Variants in TRIB2 observed in about 807,000 individuals in gnomAD.
TRIB2 encodes the protein tribbles pseudokinase 2, also known as tribbles homolog 2.
In TRIB2, 2 loss-of-function variants were observed where a neutral mutation model predicts 26.8. That is an observed-to-expected ratio of 0.07 (90% CI 0.03 to 0.24). TRIB2 has a LOEUF of 0.24. Ranked by LOEUF, TRIB2 falls within the 10% of genes least tolerant of loss-of-function variation. The pLI, the probability that TRIB2 is intolerant of heterozygous loss-of-function variation, is 1.00. For synonymous variants in TRIB2, 189 were observed against 187.3 expected, an observed-to-expected ratio of 1.01 and a Z score of -0.08; for missense variants, 306 against 449.0, an observed-to-expected ratio of 0.68 and a Z score of 2.88.
chr2:12,717,306 G>A lies in TRIB2; in HGVS notation c.-1002G>A. On this transcript the variant is annotated 5_prime_UTR_variant, in exon 1 of 3. Transcript: ENST00000155926. This position sits in a 1 kb window ranked among gnomAD's most constrained non-coding sequence, Gnocchi z 4.8. ...GGCAAAGGAACGCCGCGCGTTGGAA[G>A]GGCCAGGGACGCAGCTCCCCTTGCA... 2.5e-6 allele frequency: 1 copy of A among 398,366 alleles called. No homozygotes were observed. The highest frequency in any genetic ancestry group is 4.4e-6 in the Non-Finnish European group (1 of 225,882). The allele number at this position is 398,366 out of a possible 1,614,324, so 24.7% of individuals were successfully genotyped here.
Position 12,718,632 on chromosome 2 carries a change from G to C in TRIB2, c.270+55G>C, listed in dbSNP as rs1666653995. On this transcript the variant is annotated intron_variant, in intron 1 of 2. Coordinates refer to ENST00000155926, the MANE Select transcript of TRIB2 (RefSeq NM_021643.4). This position sits in a 1 kb window ranked among gnomAD's most constrained non-coding sequence, Gnocchi z 4.0. ...TTGGAAGGGGCCCGAGGGAGCGGGAGGGCGCCAGGCCCTCGAGTCTGGGAG... is the reference window on the plus strand; with the variant it reads ...TTGGAAGGGGCCCGAGGGAGCGGGACGGCGCCAGGCCCTCGAGTCTGGGAG... 1 of 1,587,384 alleles carries C rather than the reference G, an allele frequency of 6.3e-7. No individual in the cohort carries two copies. The highest frequency in any genetic ancestry group is 8.6e-7 in the Non-Finnish European group (1 of 1,162,672).
rs535207032 is a variant in TRIB2, at chr2:12,741,272, T to TA, written c.*488dup. On this transcript the variant is annotated 3_prime_UTR_variant, in exon 3 of 3. Transcript: ENST00000155926. ...TAGCTGGTAATTAATGAGGTTCACT[T>TA]AAAAAAAAAATTCGGTGCACACAGA... 2.5e-4 allele frequency: 39 copies of TA among 154,332 alleles called. No homozygotes were observed. The highest frequency in any genetic ancestry group is 1.8e-3 in the South Asian group (9 of 5,044). The allele number at this position is 154,332 out of a possible 1,614,324, so 9.6% of individuals were successfully genotyped here.
chr2:12,719,953 G>T (rs1457048282), intron 1 of TRIB2, among the ~76,000 whole-genome samples: 1 of 152,176 alleles, frequency 6.6e-6, no homozygotes, highest in East Asian at 1.9e-4. Flanking sequence ...AGTCTGCAAG[G>T]TTGCACAATA....
intron 1 of TRIB2, among the ~76,000 whole-genome samples, chr2:12,720,626 A>G (rs1661190876): frequency 1.3e-5 from 2 of 152,362 alleles, no homozygotes; most frequent in Middle Eastern, 3.4e-3. Context: ...GTCTTAGAAT[A>G]GAAGGCTCAT....
chr2:12,738,442 C>T (rs1661633791), intron 2 of TRIB2, among the ~76,000 whole-genome samples: 1 of 152,138 alleles, frequency 6.6e-6, no homozygotes, highest in African/African-American at 2.4e-5. Context: ...TGAGACAGCC[C>T]TTGTGGATGC....
chr2:12,731,489 T>C (rs1661457515), intron 2 of TRIB2, among the ~76,000 whole-genome samples: 3 of 152,168 alleles, frequency 2.0e-5, no homozygotes. Context: ...GGGCATGGGT[T>C]CTAGGAAGAA....
At chr2:12,722,523 C>G (rs377086079) in intron 1 of TRIB2, among the ~76,000 whole-genome samples, 1 of 152,314 alleles carries the variant, frequency 6.6e-6, no homozygotes, top group East Asian at 1.9e-4. Flanking sequence ...TCTTTTTAAG[C>G]AACCGCACAA....
At chr2:12,723,185 G>T in intron 1 of TRIB2, 75 bp from the exon 2 acceptor site, 1 of 1,489,646 alleles carries the variant, frequency 6.7e-7, no homozygotes, top group East Asian at 2.3e-5. Context: ...CATACCTGTG[G>T]GAGGTGCAGC....
At position 12,740,190 on chromosome 2, in the gene TRIB2, C is replaced by T. The variant is rs988624806; in HGVS notation, c.564-136C>T. On this transcript the variant is annotated intron_variant, in intron 2 of 2. Transcript: ENST00000155926. The surrounding 1 kb of genome is among the most constrained non-coding windows in gnomAD (Gnocchi z 5.8). Reference sequence around the variant, plus strand: ...AAGGTGCTCAGTGAGTAATGTTTGGCTGGTCAGATGAATGCGTGAATGAAT... The same window carrying T: ...AAGGTGCTCAGTGAGTAATGTTTGGTTGGTCAGATGAATGCGTGAATGAAT... The T allele has an allele frequency of 5.8e-6, 5 of 867,072 alleles. No individual in the cohort carries two copies. Among genetic ancestry groups the T allele is most frequent in the African/African-American group, 1.7e-5 (1 of 59,208 alleles). 53.7% of individuals were successfully genotyped at this position (867,072 alleles called of 1,614,324 possible).
intron 1 of TRIB2, 28 bp from the exon 2 acceptor site, chr2:12,723,232 T>G (rs1288032175): frequency 6.3e-7 from 1 of 1,597,128 alleles, no homozygotes; most frequent in Admixed American, 1.7e-5. Context: ...CACCTCTGAC[T>G]TTGGTCTTAC....
In TRIB2 at chr2:12,717,530, G is replaced by A. The variant is rs2103247001; in HGVS notation, c.-778G>A. The stretch of plus-strand genomic sequence containing the variant: ...GCGGTACCTGCGCCCAGCCCGCGCC[G>A]CAACTCTGTGCCCAGCTTTTGCAAT... On this transcript the variant is annotated 5_prime_UTR_variant, in exon 1 of 3. Coordinates refer to ENST00000155926, the MANE Select transcript of TRIB2 (RefSeq NM_021643.4). This position sits in a 1 kb window ranked among gnomAD's most constrained non-coding sequence, Gnocchi z 4.8. 4 of 398,356 alleles carry A rather than the reference G, an allele frequency of 1.0e-5. No individual in the cohort carries two copies. The East Asian group carries it at 1.4e-4, about 14-fold the overall frequency. The allele number at this position is 398,356 out of a possible 1,614,324, so 24.7% of individuals were successfully genotyped here.
intron 2 of TRIB2, among the ~76,000 whole-genome samples, chr2:12,727,881 T>C (rs923985789): frequency 6.6e-6 from 1 of 152,146 alleles, no homozygotes; most frequent in African/African-American, 2.4e-5. Flanking sequence ...CAGAATCTGA[T>C]AGAAGGCAGC....
chr2:12,723,225 C>T (rs78135674), intron 1 of TRIB2, 35 bp from the exon 2 acceptor site: 1 of 1,590,330 alleles, frequency 6.3e-7, no homozygotes, highest in Non-Finnish European at 8.5e-7. Flanking sequence ...CAAGAGGCAC[C>T]TCTGACTTTG....
chr2:12,723,625 G>C, intron 2 of TRIB2, 73 bp downstream of exon 2: 1 of 1,523,276 alleles, frequency 6.6e-7, no homozygotes, highest in Non-Finnish European at 8.8e-7. Context: ...GAAAAGTCTT[G>C]AATGGACGTT....
intron 2 of TRIB2, among the ~76,000 whole-genome samples, chr2:12,730,751 C>T (rs1275518720): frequency 2.0e-5 from 3 of 152,160 alleles, no homozygotes; most frequent in Non-Finnish European, 4.4e-5. Flanking sequence ...CCTTATGTCC[C>T]GTGGCGTGAA....
At position 12,742,578 on chromosome 2, in the gene TRIB2, T is replaced by A. The variant is rs373497688; in HGVS notation, c.*1784T>A. 3.4e-4 allele frequency: 52 copies of A among 152,622 alleles called. 1 individual carries two copies. The highest frequency in any genetic ancestry group is 1.2e-3 in the African/African-American group (51 of 41,508). 9.5% of individuals were successfully genotyped at this position (152,622 alleles called of 1,614,324 possible). On this transcript the variant is annotated 3_prime_UTR_variant, in exon 3 of 3. Transcript: ENST00000155926. ...GGTGCTGTGTCAAGAAGGACCTTTT[T>A]TTTCCCCTCTCCCCTATTTTTTAAG...
At chr2:12,739,822 G>A (rs1162911001) in intron 2 of TRIB2, among the ~76,000 whole-genome samples, 2 of 152,214 alleles carry the variant, frequency 1.3e-5, no homozygotes, top group African/African-American at 2.4e-5. Context: ...ACAAAGGGCT[G>A]TAGTGAGGCC....
At chr2:12,734,133 G>A (rs1558318999) in intron 2 of TRIB2, among the ~76,000 whole-genome samples, 1 of 152,230 alleles carries the variant, frequency 6.6e-6, no homozygotes, top group Non-Finnish European at 1.5e-5. Flanking sequence ...GGCCTGCAGG[G>A]ATCCAGCTTC....
intron 2 of TRIB2, among the ~76,000 whole-genome samples, chr2:12,725,204 TTTGA>T (rs1661311569): frequency 6.6e-6 from 1 of 152,244 alleles, no homozygotes; most frequent in African/African-American, 2.4e-5. Context: ...AAGTGTCGTC[TTTGA>T]TTGTGTTTCC....
Sources: allele counts gnomAD v4.1 joint callset (sites outside exome capture counted in the v4.1 genomes callset), GRCh38; gene constraint gnomAD v4.1.1; non-coding constraint Gnocchi (gnomAD v3.1); transcripts MANE v1.5; gene names NCBI Gene and HGNC (gene_info 2026-07-23, HGNC 2026-07-21).